Variants in APP observed in about 807,000 individuals in gnomAD.
The protein encoded by APP is amyloid-beta precursor protein.
A neutral mutation model predicts 101.4 loss-of-function variants in APP; 31 were observed. The observed-to-expected ratio is 0.31, with a 90% CI of 0.23 to 0.41. The LOEUF (loss-of-function observed/expected upper bound fraction) is 0.41, where lower values mean the gene tolerates loss of function less well. Among genes scored for constraint, APP ranks in the 10% least tolerant of loss-of-function variants. The pLI is 1.00. For missense variants in APP, 839 were observed against 1,003.7 expected (o/e 0.84, Z 2.22); for synonymous variants, 366 against 364.4 (o/e 1.00, Z -0.05).
At chr21:25,897,969 G>C (rs199921520) in intron 15 of APP, 1 of 421,922 alleles carries the variant, frequency 2.4e-6, no homozygotes, top group Non-Finnish European at 4.3e-6. Flanking sequence ...TCCTGGTTGA[G>C]AGGTTGGCAA....
intron 13 of APP, among the ~76,000 whole-genome samples, chr21:25,951,535 C>T (rs2041075167): frequency 6.6e-6 from 1 of 152,096 alleles, no homozygotes; most frequent in Admixed American, 6.5e-5. Flanking sequence ...TCTCCTTTTG[C>T]CAGTGTCTCT....
chr21:25,938,635 T>C (rs931474714), intron 13 of APP, among the ~76,000 whole-genome samples: 1 of 152,314 alleles, frequency 6.6e-6, no homozygotes. Flanking sequence ...TTAACTAGAA[T>C]TCCTCTAAAT....
intron 1 of APP, among the ~76,000 whole-genome samples, chr21:26,144,512 T>A (rs1471617736): frequency 6.6e-6 from 1 of 152,172 alleles, no homozygotes; most frequent in African/African-American, 2.4e-5. Context: ...TCTCCTACAC[T>A]AAATAGTTAT....
chr21:25,893,102 T>C (rs2657505), intron 16 of APP, among the ~76,000 whole-genome samples: 122,021 of 152,096 alleles, frequency 0.8, 49,065 homozygotes, highest in African/African-American at 0.85. Flanking sequence ...TATATCTGTT[T>C]GGTGATCTGT....
At chr21:25,897,966 T>C (rs553798211) in intron 15 of APP, 13 of 427,170 alleles carry the variant, frequency 3.0e-5, no homozygotes, top group Admixed American at 4.0e-5. Context: ...AAATCCTGGT[T>C]GAGAGGTTGG....
rs115059775 is a variant in APP at position 26,032,957 on chromosome 21, C to T, written c.663-10915G>A. Among the ~76,000 whole-genome samples, 128 of 152,126 alleles carry T rather than the reference C, an allele frequency of 8.4e-4. 1 individual carries two copies. The highest frequency in any genetic ancestry group is 3.1e-3 in the African/African-American group (127 of 41,490). Reference sequence around the variant, plus strand: ...TGAAGTGCATATTAACAATAATGGGCTGAACAAAGAATGTTCATTGGTGGA... The same window carrying T: ...TGAAGTGCATATTAACAATAATGGGTTGAACAAAGAATGTTCATTGGTGGA... On this transcript the variant is annotated intron_variant, in intron 5 of 17. Transcript: ENST00000346798.
At chr21:25,991,046 A>C (rs114122496) in intron 8 of APP, among the ~76,000 whole-genome samples, 4,208 of 152,324 alleles carry the variant, frequency 0.028, 190 homozygotes, top group African/African-American at 0.096. Context: ...GGAGGCCATT[A>C]TTCTAAGTGA....
At chr21:26,130,754 C>T (rs1294599393) in intron 1 of APP, among the ~76,000 whole-genome samples, 1 of 152,202 alleles carries the variant, frequency 6.6e-6, no homozygotes, top group Non-Finnish European at 1.5e-5. Context: ...AGCTTCAACA[C>T]CCAGAGACTT....
At chr21:25,902,673 G>A (rs1168225996) in intron 15 of APP, among the ~76,000 whole-genome samples, 1 of 152,208 alleles carries the variant, frequency 6.6e-6, no homozygotes, top group Non-Finnish European at 1.5e-5. Context: ...CCCATCTCCA[G>A]TAAGTTCTCT....
Position 25,950,550 on chromosome 21 carries a change from C to T in APP, c.1687+4040G>A, listed in dbSNP as rs560068721. Among the ~76,000 whole-genome samples the T allele has an allele frequency of 8.6e-3, 1,309 of 151,868 alleles. 18 individuals carry two copies. The highest frequency in any genetic ancestry group is 0.02 in the Middle Eastern group (6 of 294). ...GTGCCTGCCACCATGCCTGGCTAAT[C>T]TTTCTATTTTTAGTAGAGATGGGGT... On this transcript the variant is annotated intron_variant, in intron 13 of 17. Transcript: ENST00000346798.
intron 1 of APP, among the ~76,000 whole-genome samples, chr21:26,161,462 G>A (rs1714449363): frequency 6.6e-6 from 1 of 151,782 alleles, no homozygotes; most frequent in Admixed American, 6.6e-5. Flanking sequence ...TTTTTATTCT[G>A]TCTACCCTCT....
chr21:25,948,996 T>TA (rs1204221820), intron 13 of APP, among the ~76,000 whole-genome samples: 4 of 152,180 alleles, frequency 2.6e-5, no homozygotes, highest in Non-Finnish European at 5.9e-5. Flanking sequence ...AATGAAGACC[T>TA]ACATAGTGAT....
In APP at chr21:26,113,275, G is replaced by T. The variant is rs570565514; in HGVS notation, c.58-1129C>A. Among the ~76,000 whole-genome samples, 6 of 152,272 alleles carry T rather than the reference G, an allele frequency of 3.9e-5. No individual in the cohort carries two copies. The South Asian group carries it at 8.3e-4, about 21-fold the overall frequency. Reference sequence around the variant, plus strand: ...GAACTGGGTGATTCCACGATAACTTGTATCATTCCTAAAAACTGTCCACAG... The same window carrying T: ...GAACTGGGTGATTCCACGATAACTTTTATCATTCCTAAAAACTGTCCACAG... On this transcript the variant is annotated intron_variant, in intron 1 of 17. Transcript: ENST00000346798.
At chr21:25,973,597 C>T (rs563884621) in intron 11 of APP, among the ~76,000 whole-genome samples, 3 of 152,062 alleles carry the variant, frequency 2.0e-5, no homozygotes, top group Non-Finnish European at 4.4e-5. Context: ...AAAAATGGCC[C>T]GGTCCACAAT....
chr21:26,099,740 A>G (rs2146152974), intron 2 of APP, among the ~76,000 whole-genome samples: 1 of 152,372 alleles, frequency 6.6e-6, no homozygotes, highest in South Asian at 2.1e-4. Context: ...AGAGAACTGG[A>G]AAACGAAAAC....
At chr21:26,157,844 G>A (rs1237112773) in intron 1 of APP, among the ~76,000 whole-genome samples, 1 of 152,136 alleles carries the variant, frequency 6.6e-6, no homozygotes, top group African/African-American at 2.4e-5. Context: ...GAAAAGCTAC[G>A]CAGCCACAGA....
At chr21:26,166,432 G>C (rs967899771) in intron 1 of APP, among the ~76,000 whole-genome samples, 7 of 152,002 alleles carry the variant, frequency 4.6e-5, no homozygotes, top group African/African-American at 1.7e-4. Flanking sequence ...TTGCATCTGA[G>C]CTCTCACTAT....
intron 5 of APP, among the ~76,000 whole-genome samples, chr21:26,022,680 G>A (rs1419894718): frequency 6.6e-6 from 1 of 152,112 alleles, no homozygotes; most frequent in African/African-American, 2.4e-5. Context: ...ATAAAAAGTG[G>A]GGTGGTGGAT....
rs2042468507 is a variant in APP, at chr21:25,982,436, A to G, written c.1132T>C (p.Tyr378His). The change falls in exon 9 of 18, where the codon TAT becomes CAT. Residue 378 changes from tyrosine to histidine, a missense_variant. Transcript: ENST00000346798. ...AASTPDAVDK[Y>H]LETPGDENEH... ...TTCTCATCCCCAGGTGTCTCGAGATACTTGTCAACGGCATCAGGGGTACTG... is the reference window on the plus strand; with the variant it reads ...TTCTCATCCCCAGGTGTCTCGAGATGCTTGTCAACGGCATCAGGGGTACTG... 1 of 1,613,898 alleles carries G rather than the reference A, an allele frequency of 6.2e-7. No individual in the cohort carries two copies. Among genetic ancestry groups the G allele is most frequent in the Non-Finnish European group, 8.5e-7 (1 of 1,179,848 alleles).
Sources: allele counts gnomAD v4.1 joint callset (sites outside exome capture counted in the v4.1 genomes callset), GRCh38; gene constraint gnomAD v4.1.1; transcripts MANE v1.5; gene names NCBI Gene and HGNC (gene_info 2026-07-23, HGNC 2026-07-21).